The following APP variants were observed in gnomAD, a reference collection of about 807,000 sequenced individuals.
APP encodes the protein amyloid-beta precursor protein.
In APP, 31 loss-of-function variants were observed where a neutral mutation model predicts 101.4. The ratio of observed to expected loss-of-function variants is 0.31; its 90% CI spans 0.23 to 0.41. APP has a LOEUF of 0.41. APP is among the 10% of genes least tolerant of loss of function. APP has a pLI of 1.00. For synonymous variants in APP, 366 were observed against 364.4 expected, an observed-to-expected ratio of 1.00 and a Z score of -0.05; for missense variants, 839 against 1,003.7, an observed-to-expected ratio of 0.84 and a Z score of 2.22.
chr21:26,129,896 C>T (rs1404156428), intron 1 of APP, among the ~76,000 whole-genome samples: 1 of 152,112 alleles, frequency 6.6e-6, no homozygotes, highest in African/African-American at 2.4e-5. Flanking sequence ...ATTTTCCTTC[C>T]TATAGAGGGA....
At chr21:26,081,612 T>C (rs1259317356) in intron 3 of APP, among the ~76,000 whole-genome samples, 1 of 152,198 alleles carries the variant, frequency 6.6e-6, no homozygotes, top group African/African-American at 2.4e-5. Flanking sequence ...GGCGAATACG[T>C]GCAGGTCACA....
At chr21:25,901,349 A>AT (rs1332939713) in intron 15 of APP, among the ~76,000 whole-genome samples, 1 of 150,666 alleles carries the variant, frequency 6.6e-6, no homozygotes, top group Non-Finnish European at 1.5e-5. Flanking sequence ...TAAAAACTTT[A>AT]CAAGCCCACA....
At chr21:25,897,474 T>A in intron 16 of APP, 99 bp downstream of exon 16, 1 of 962,366 alleles carries the variant, frequency 1.0e-6, no homozygotes, top group Non-Finnish European at 1.7e-6. Flanking sequence ...TGTATTTTTA[T>A]CTTTTCCTTA....
chr21:26,011,546 C>G (rs1268748131), intron 6 of APP, among the ~76,000 whole-genome samples: 3 of 152,038 alleles, frequency 2.0e-5, no homozygotes. Flanking sequence ...GCTAAACATC[C>G]TACAATGCAC....
chr21:25,976,061 C>A (rs751454233), intron 9 of APP, 33 bp from the exon 10 acceptor site: 3 of 1,532,752 alleles, frequency 2.0e-6, no homozygotes, highest in South Asian at 1.1e-5. Flanking sequence ...AATTTAAAAT[C>A]ATCAGTTCAT....
chr21:26,099,962 C>T (rs1242127164), intron 2 of APP, among the ~76,000 whole-genome samples: 1 of 152,150 alleles, frequency 6.6e-6, no homozygotes, highest in Non-Finnish European at 1.5e-5. Flanking sequence ...TTGTTATATC[C>T]ACACTTTCAT....
At chr21:26,165,584 C>A (rs1180877288) in intron 1 of APP, among the ~76,000 whole-genome samples, 1 of 152,198 alleles carries the variant, frequency 6.6e-6, no homozygotes, top group Non-Finnish European at 1.5e-5. Flanking sequence ...TCACGCCTGG[C>A]ATCAAATTCA....
intron 6 of APP, among the ~76,000 whole-genome samples, chr21:26,017,031 T>C (rs1182286509): frequency 5.4e-5 from 8 of 148,364 alleles, no homozygotes; most frequent in Non-Finnish European, 1.2e-4. Flanking sequence ...ACCCTGACTC[T>C]ACTAAAAATA....
intron 6 of APP, among the ~76,000 whole-genome samples, chr21:26,014,956 T>G (rs1157708915): frequency 6.6e-6 from 1 of 152,186 alleles, no homozygotes. Flanking sequence ...GAAATAAAAC[T>G]CTATCTTGAA....
chr21:26,106,377 C>G (rs933497462), intron 2 of APP, among the ~76,000 whole-genome samples: 1 of 152,106 alleles, frequency 6.6e-6, no homozygotes, highest in African/African-American at 2.4e-5. Context: ...ATATAAAATA[C>G]AAATTGTTTA....
At chr21:26,080,707 T>C (rs368976244) in intron 3 of APP, among the ~76,000 whole-genome samples, 75 of 151,534 alleles carry the variant, frequency 4.9e-4, no homozygotes, top group African/African-American at 1.7e-3. Context: ...GAGGCAGAGG[T>C]TGCAGTGAGC....
At chr21:25,971,470 T>C (rs1478444873) in intron 11 of APP, among the ~76,000 whole-genome samples, 1 of 152,128 alleles carries the variant, frequency 6.6e-6, no homozygotes, top group Admixed American at 6.5e-5. Flanking sequence ...TGGTTTCAGG[T>C]GGGGAAACCC....
intron 16 of APP, among the ~76,000 whole-genome samples, chr21:25,894,330 A>G (rs1019844515): frequency 4.6e-5 from 7 of 152,186 alleles, no homozygotes; most frequent in Non-Finnish European, 8.8e-5. Context: ...TATTTCAAAT[A>G]TATTTTGTAG....
intron 1 of APP, among the ~76,000 whole-genome samples, chr21:26,113,961 C>T (rs886847107): frequency 9.2e-5 from 14 of 152,180 alleles, no homozygotes; most frequent in African/African-American, 3.4e-4. Flanking sequence ...GGGCCCTGCC[C>T]GTAAGGAATG....
intron 11 of APP, among the ~76,000 whole-genome samples, chr21:25,972,542 C>CT (rs34516852): frequency 1.9e-4 from 28 of 149,836 alleles, no homozygotes; most frequent in African/African-American, 3.2e-4. Flanking sequence ...TGCACTCAAA[C>CT]TTTTTTTTTT....
intron 6 of APP, among the ~76,000 whole-genome samples, chr21:26,012,012 ATCT>A (rs2043827269): frequency 6.6e-6 from 1 of 151,808 alleles, no homozygotes; most frequent in Admixed American, 6.6e-5. Context: ...CTCTGCCTTA[ATCT>A]TTTTTTTTTT....
chr21:26,043,216 T>A (rs2045452925), intron 5 of APP, among the ~76,000 whole-genome samples: 1 of 151,198 alleles, frequency 6.6e-6, no homozygotes, highest in Non-Finnish European at 1.5e-5. Context: ...AGAATGATAT[T>A]CCTTAGTTTT....
intron 17 of APP, among the ~76,000 whole-genome samples, chr21:25,885,668 C>G (rs2146209191): frequency 6.6e-6 from 1 of 152,318 alleles, no homozygotes; most frequent in Middle Eastern, 3.4e-3. Flanking sequence ...ATGGCTTCAA[C>G]TGGCTGCTGC....
At chr21:25,897,489 G>A (rs1009311768) in intron 16 of APP, 84 bp downstream of exon 16, 2 of 1,048,150 alleles carry the variant, frequency 1.9e-6, no homozygotes, top group Non-Finnish European at 3.0e-6. Flanking sequence ...TCCTTAATTT[G>A]ATTTCTAGCA....
Sources: allele counts gnomAD v4.1 joint callset (sites outside exome capture counted in the v4.1 genomes callset), GRCh38; gene constraint gnomAD v4.1.1; transcripts MANE v1.5; gene names NCBI Gene and HGNC (gene_info 2026-07-23, HGNC 2026-07-21).